Variants in BTF3 observed in about 807,000 individuals in gnomAD.
BTF3 encodes the protein transcription factor BTF3.
A neutral mutation model predicts 23.9 loss-of-function variants in BTF3; 12 were observed. The ratio of observed to expected loss-of-function variants is 0.50; its 90% CI spans 0.32 to 0.81. The LOEUF (loss-of-function observed/expected upper bound fraction) is 0.81, where lower values mean the gene tolerates loss of function less well. Among genes scored for constraint, BTF3 ranks in the 40% least tolerant of loss-of-function variants. The pLI, the probability that BTF3 is intolerant of heterozygous loss-of-function variation, is 0.03. For missense variants in BTF3, 215 were observed against 255.9 expected (o/e 0.84, Z 1.09); for synonymous variants, 96 against 94.8 (o/e 1.01, Z -0.07).
chr5:73,499,223 TTTGTGGG>T, intron 2 of BTF3, 21 bp downstream of exon 2: 1 of 1,600,460 alleles, frequency 6.2e-7, no homozygotes, highest in South Asian at 1.1e-5. Flanking sequence ...ATAGTTCGGG[TTTGTGGG>T]TTTTTTTTTT....
intron 2 of BTF3, among the ~76,000 whole-genome samples, chr5:73,501,685 G>A (rs545359468): frequency 1.3e-5 from 2 of 152,268 alleles, no homozygotes; most frequent in South Asian, 4.1e-4. Context: ...AAGAGGGATG[G>A]TAGCAGATGC....
chr5:73,498,787 A>T lies in BTF3; in HGVS notation c.120A>T (p.Gly40=). The change falls in exon 1 of 6, where the codon GGA becomes GGT. Residue 40 remains glycine (G), a synonymous_variant. Transcript: ENST00000380591. ...SQPPPRGGTR[G]QEPQMKETIM... ...CTCCACCTCGCGGCGGAACCCGAGG[A>T]CAGGAGCCTCAGGTACCGCGAGGCT... 6.6e-7 allele frequency: 1 copy of T among 1,508,984 alleles called. No individual in the cohort carries two copies. The highest frequency in any genetic ancestry group is 1.2e-5 in the South Asian group (1 of 81,842). 93.5% of individuals were successfully genotyped at this position (1,508,984 alleles called of 1,614,324 possible).
rs955444008 is a variant in BTF3 at position 73,498,714 on chromosome 5, G to A, written c.47G>A (p.Gly16Asp). ...GCTCAGGCTGACTCTCGGGGGCGAG[G>A]TCGAGCCAGGGGCGGCTGCCCTGGG... is the stretch of plus-strand genomic sequence containing the variant. Reference protein sequence around the residue: ...APAQADSRGRGRARGGCPGGE... With the variant: ...APAQADSRGRDRARGGCPGGE... Residue 16 changes from glycine to aspartate, a missense_variant, in exon 1 of 6, where the codon GGT becomes GAT. This residue lies in a region of BTF3 where 116 missense variants were observed against 84.7 expected (regional missense o/e 1.37). Transcript: ENST00000380591. 10 of 1,489,080 alleles carry A rather than the reference G, an allele frequency of 6.7e-6. No homozygotes were observed. Among genetic ancestry groups the A allele is most frequent in the Non-Finnish European group, 8.9e-6 (10 of 1,129,438 alleles). The allele number at this position is 1,489,080 out of a possible 1,614,324, so 92.2% of individuals were successfully genotyped here. A position where few individuals can be genotyped will look rare whatever the true frequency, so the allele number is the denominator to read the frequency against.
chr5:73,504,557 G>T (rs527607966), intron 5 of BTF3, 154 bp downstream of exon 5: 2 of 523,912 alleles, frequency 3.8e-6, no homozygotes, highest in Admixed American at 7.7e-5. Context: ...TTAGGTAATT[G>T]AGAATTATGT....
chr5:73,502,776 A>T, intron 3 of BTF3, 140 bp from the exon 4 acceptor site: 1 of 902,478 alleles, frequency 1.1e-6, no homozygotes, highest in Non-Finnish European at 1.7e-6. Flanking sequence ...GAATGCTATT[A>T]GAATACATAT....
intron 2 of BTF3, 146 bp downstream of exon 2, chr5:73,499,348 G>A (rs760847457): frequency 3.5e-6 from 3 of 855,972 alleles, no homozygotes; most frequent in African/African-American, 3.4e-5. Context: ...CTCGAGGAGC[G>A]GGGGAGACGA....
At position 73,503,077 on chromosome 5, in the gene BTF3, G is replaced by A. The variant is rs760502541; in HGVS notation, c.477G>A (p.Leu159=). The A allele has an allele frequency of 1.2e-6, 2 of 1,614,034 alleles. No individual in the cohort carries two copies. The highest frequency in any genetic ancestry group is 3.3e-4 in the Middle Eastern group (2 of 5,974). The change falls in exon 4 of 6, where the codon CTG becomes CTA. Residue 159 remains leucine, a synonymous_variant. Coordinates refer to ENST00000380591, the MANE Select transcript of BTF3 (RefSeq NM_001037637.2). ...TAAACCAGCTTGGTGCGGATAGTCTGACTAGTTTAAGGAGACTGGCCGAAG... is the reference window on the plus strand; with the variant it reads ...TAAACCAGCTTGGTGCGGATAGTCTAACTAGTTTAAGGAGACTGGCCGAAG... The part of the protein sequence containing the change: ...SILNQLGADS[L]TSLRRLAEAL...
At chr5:73,499,097 T>C in intron 1 of BTF3, 37 bp from the exon 2 acceptor site, 3 of 1,591,150 alleles carry the variant, frequency 1.9e-6, no homozygotes, top group Non-Finnish European at 2.6e-6. Flanking sequence ...TAGAGTGAGC[T>C]AAACCTATCC....
chr5:73,502,032 G>A (rs1030198748), intron 2 of BTF3, among the ~76,000 whole-genome samples: 5 of 151,768 alleles, frequency 3.3e-5, no homozygotes, highest in Non-Finnish European at 5.9e-5. Context: ...ACCAGGCATG[G>A]TGGTGCCTGT....
At position 73,498,580 on chromosome 5, in the gene BTF3, C is replaced by T. The variant is rs1017497520; in HGVS notation, c.-88C>T. On this transcript the variant is annotated 5_prime_UTR_variant, in exon 1 of 6. Coordinates refer to ENST00000380591, the MANE Select transcript of BTF3 (RefSeq NM_001037637.2). The stretch of plus-strand genomic sequence containing the variant: ...CAAGGTACAAAAAGGCTCTGGACGG[C>T]GGCGTGGTAGGAGGACGGGAGCGGG... 3.6e-6 allele frequency: 5 copies of T among 1,405,350 alleles called. No individual in the cohort carries two copies. The highest frequency in any genetic ancestry group is 4.6e-6 in the Non-Finnish European group (5 of 1,087,680). 87.1% of individuals were successfully genotyped at this position (1,405,350 alleles called of 1,614,324 possible). A position where few individuals can be genotyped will look rare whatever the true frequency, so the allele number is the denominator to read the frequency against.
At chr5:73,504,013 A>T (rs1746498100) in intron 4 of BTF3, among the ~76,000 whole-genome samples, 1 of 152,134 alleles carries the variant, frequency 6.6e-6, no homozygotes, top group Non-Finnish European at 1.5e-5. Context: ...GTCTCCCAAA[A>T]TCTCACCATG....
At chr5:73,499,335 A>T in intron 2 of BTF3, 133 bp downstream of exon 2, 4 of 958,074 alleles carry the variant, frequency 4.2e-6, no homozygotes, top group Non-Finnish European at 6.5e-6. Flanking sequence ...GGAGCTAGCA[A>T]ATCTCGAGGA....
intron 4 of BTF3, among the ~76,000 whole-genome samples, chr5:73,503,877 A>G (rs1415257845): frequency 6.6e-6 from 1 of 152,146 alleles, no homozygotes; most frequent in East Asian, 1.9e-4. Context: ...GATAAAGGAG[A>G]GTGGATGCTT....
rs1481232215 is a variant in BTF3 at position 73,503,044 on chromosome 5, C to T, written c.444C>T (p.Pro148=). Residue 148 remains proline (P), a synonymous_variant, in exon 4 of 6, where the codon CCC becomes CCT. Transcript: ENST00000380591. ...AETKQLTEML[P]SILNQLGADS... is the part of the protein sequence containing the mutation. Reference sequence around the variant, plus strand: ...CAAAGCAGCTGACAGAAATGCTACCCAGCATCTTAAACCAGCTTGGTGCGG... The same window carrying T: ...CAAAGCAGCTGACAGAAATGCTACCTAGCATCTTAAACCAGCTTGGTGCGG... The T allele has an allele frequency of 6.2e-7, 1 of 1,613,906 alleles. No homozygotes were observed. Among genetic ancestry groups the T allele is most frequent in the Non-Finnish European group, 8.5e-7 (1 of 1,179,958 alleles).
rs1353770547 is a variant in BTF3 at position 73,501,922 on chromosome 5, C to T, written c.202-566C>T. On this transcript the variant is annotated intron_variant, in intron 2 of 5. Transcript: ENST00000380591. ...GTGGCTCACACTTGTAGTCCCAACACTTTGGGAGGCCGAGGCAGGCGGATC... is the reference window on the plus strand; with the variant it reads ...GTGGCTCACACTTGTAGTCCCAACATTTTGGGAGGCCGAGGCAGGCGGATC... 3.3e-5 allele frequency among the ~76,000 whole-genome samples: 5 copies of T among 152,182 alleles called. No individual in the cohort carries two copies. The East Asian group carries it at 9.7e-4, about 29-fold the overall frequency.
chr5:73,503,927 T>C (rs1746496724), intron 4 of BTF3, among the ~76,000 whole-genome samples: 1 of 152,160 alleles, frequency 6.6e-6, no homozygotes, highest in Non-Finnish European at 1.5e-5. Context: ...TTTAACTTTT[T>C]TCATTTCAGT....
intron 4 of BTF3, 135 bp from the exon 5 acceptor site, chr5:73,504,212 C>G (rs1036207450): frequency 1.9e-5 from 12 of 616,234 alleles, no homozygotes; most frequent in Admixed American, 1.1e-4. Context: ...GATAAAATCC[C>G]AAATGTCCCT....
Position 73,505,061 on chromosome 5 carries a change from G to C in BTF3, c.575-131G>C. 2.0e-5 allele frequency: 10 copies of C among 500,262 alleles called. No homozygotes were observed. In the South Asian group the frequency reaches 3.1e-4, roughly 15 times the overall value. 31.0% of individuals were successfully genotyped at this position (500,262 alleles called of 1,614,324 possible). On this transcript the variant is annotated intron_variant, in intron 5 of 5. Transcript: ENST00000380591. ...CACTTTTTTTTTTTTTTGCATTCTT[G>C]TTCTTGGGGCTATGACACAGTATTT...
intron 2 of BTF3, among the ~76,000 whole-genome samples, chr5:73,500,982 T>A (rs1487167046): frequency 6.6e-6 from 1 of 152,092 alleles, no homozygotes; most frequent in East Asian, 1.9e-4. Context: ...ATAACAAGAT[T>A]TATTTAAGCC....
Sources: allele counts gnomAD v4.1 joint callset (sites outside exome capture counted in the v4.1 genomes callset), GRCh38; gene constraint gnomAD v4.1.1; regional missense constraint gnomAD v4.1.1; transcripts MANE v1.5; gene names NCBI Gene and HGNC (gene_info 2026-07-23, HGNC 2026-07-21).